SEM1: variants seen among roughly 807,000 people sequenced by gnomAD.
SEM1 encodes the protein 26S proteasome complex subunit SEM1.
A neutral mutation model predicts 12.7 loss-of-function variants in SEM1; 3 were observed. The ratio of observed to expected loss-of-function variants is 0.24; its 90% CI spans 0.11 to 0.61. The LOEUF is 0.61. Ranked by LOEUF, SEM1 falls within the 20% of genes least tolerant of loss-of-function variation. The probability of loss-of-function intolerance (pLI) is 0.88; values close to 1 mark genes in which losing one functional copy is unlikely to be tolerated. For missense variants in SEM1, 59 were observed against 81.3 expected, an observed-to-expected ratio of 0.73 and a Z score of 1.06; for synonymous variants, 30 against 27.8, an observed-to-expected ratio of 1.08 and a Z score of -0.25.
At chr7:96,483,982 C>G in exon 4 of SEM1, 1 of 1,511,910 alleles carries the variant, frequency 6.6e-7, no homozygotes, top group Admixed American at 2.1e-5. Flanking sequence ...TGGAAAGAGT[C>G]AGGGACCTAT....
In SEM1 at chr7:96,588,353, AAC is replaced by A. The variant is rs56655484; in HGVS notation, c.171-81657_171-81656del. 3.3e-3 allele frequency among the ~76,000 whole-genome samples: 460 copies of A among 141,026 alleles called. 1 individual carries two copies. Among genetic ancestry groups the A allele is most frequent in the African/African-American group, 0.012 (434 of 36,988 alleles). 92.5% of individuals were successfully genotyped at this position (141,026 alleles called of 152,430 possible). ...CAGAGCAAGATCATGTCTAAAAACA[AAC>A]ACACACACACACACACACACACACA... On this transcript the variant is annotated intron_variant and NMD_transcript_variant, in intron 2 of 3. Coordinates refer to the SEM1 transcript ENST00000466986.
At chr7:96,608,971 A>G (rs1247015861) in intron 2 of SEM1, among the ~76,000 whole-genome samples, 1 of 152,198 alleles carries the variant, frequency 6.6e-6, no homozygotes, top group African/African-American at 2.4e-5. Context: ...TGGTAAACAG[A>G]AATTGTATAA....
At chr7:96,578,576 G>A (rs747398845) in intron 2 of SEM1, among the ~76,000 whole-genome samples, 55 of 152,286 alleles carry the variant, frequency 3.6e-4, no homozygotes, top group Admixed American at 5.9e-4. Context: ...AGAGAAGAAT[G>A]TCAAAGCAAA....
downstream of SEM1, among the ~76,000 whole-genome samples, chr7:96,672,406 T>A (rs1789341041): frequency 6.6e-6 from 1 of 152,184 alleles, no homozygotes; most frequent in Non-Finnish European, 1.5e-5. Context: ...AAGGCAGTCG[T>A]CCAACACCTC....
chr7:96,629,085 C>T (rs1267396070), intron 2 of SEM1, among the ~76,000 whole-genome samples: 1 of 152,082 alleles, frequency 6.6e-6, no homozygotes, highest in Non-Finnish European at 1.5e-5. Flanking sequence ...TTATCCTTGA[C>T]CTTTGGGAGT....
At chr7:96,535,734 A>T (rs2115746082) in intron 2 of SEM1, among the ~76,000 whole-genome samples, 1 of 151,754 alleles carries the variant, frequency 6.6e-6, no homozygotes, top group Non-Finnish European at 1.5e-5. Flanking sequence ...TCCTGTTTTA[A>T]TTCACTTAGG....
intron 2 of SEM1, among the ~76,000 whole-genome samples, chr7:96,542,198 G>A (rs1278959059): frequency 1.3e-5 from 2 of 151,622 alleles, no homozygotes; most frequent in Non-Finnish European, 2.9e-5. Context: ...TGGCAGTATG[G>A]CCATTTTAAC....
intron 2 of SEM1, among the ~76,000 whole-genome samples, chr7:96,538,157 C>T (rs1397975444): frequency 6.6e-6 from 1 of 151,740 alleles, no homozygotes; most frequent in Non-Finnish European, 1.5e-5. Flanking sequence ...ATTTATTAGA[C>T]TTTCTGTCTC....
intron 2 of SEM1, among the ~76,000 whole-genome samples, chr7:96,541,445 T>TTG: frequency 1.0e-5 from 1 of 96,338 alleles, no homozygotes. Context: ...TTTTTTTTGT[T>TTG]TTTTTTTTTT....
chr7:96,628,426 T>C (rs1032318739), intron 2 of SEM1, among the ~76,000 whole-genome samples: 19 of 152,126 alleles, frequency 1.2e-4, no homozygotes, highest in African/African-American at 4.6e-4. Flanking sequence ...TTATGTATGT[T>C]ACCGTGAGGC....
intron 2 of SEM1, among the ~76,000 whole-genome samples, chr7:96,545,501 T>C (rs1032098050): frequency 7.9e-5 from 12 of 152,124 alleles, no homozygotes; most frequent in Non-Finnish European, 1.5e-4. Flanking sequence ...GCTGCCAGCA[T>C]AGAGATTATT....
intron 2 of SEM1, among the ~76,000 whole-genome samples, chr7:96,634,332 A>C (rs1226736364): frequency 6.6e-6 from 1 of 152,064 alleles, no homozygotes; most frequent in Non-Finnish European, 1.5e-5. Context: ...TTACTTGTTT[A>C]CTTGTTTGAT....
chr7:96,696,400 CA>C (rs1339664130), intron 1 of SEM1: 166 of 152,006 alleles, frequency 1.1e-3, no homozygotes, highest in African/African-American at 3.8e-3. Flanking sequence ...AAGAGCTGGC[CA>C]AATTCTTCGT....
intron 2 of SEM1, among the ~76,000 whole-genome samples, chr7:96,518,816 G>A (rs542844004): frequency 6.4e-4 from 98 of 152,258 alleles, no homozygotes; most frequent in African/African-American, 2.2e-3. Flanking sequence ...GGTTCATATG[G>A]TAAGGGAAAG....
chr7:96,660,380 C>CTTGA (rs1314235320), intron 2 of SEM1, among the ~76,000 whole-genome samples: 1 of 152,112 alleles, frequency 6.6e-6, no homozygotes, highest in Non-Finnish European at 1.5e-5. Context: ...TCTCTCAATT[C>CTTGA]TTGATAGGTC....
intron 3 of SEM1, among the ~76,000 whole-genome samples, chr7:96,505,145 C>G (rs1471919395): frequency 6.6e-6 from 1 of 151,904 alleles, no homozygotes; most frequent in African/African-American, 2.4e-5. Context: ...CTCTGTCCCC[C>G]AGGCTGGAGT....
chr7:96,491,058 A>G (rs1429212769), intron 1 of SEM1, among the ~76,000 whole-genome samples: 1 of 152,218 alleles, frequency 6.6e-6, no homozygotes, highest in Admixed American at 6.5e-5. Context: ...GTCTAAATTC[A>G]TGTATCTCGC....
upstream of SEM1, among the ~76,000 whole-genome samples, chr7:96,500,640 T>C (rs779531018): frequency 6.6e-6 from 1 of 152,164 alleles, no homozygotes; most frequent in Non-Finnish European, 1.5e-5. Context: ...TCAGCTTTAA[T>C]GCATGAAGGG....
At position 96,558,059 on chromosome 7, in the gene SEM1, G is replaced by A. The variant is rs549779960; in HGVS notation, c.171-51361C>T. ...CCCTGCTTCGGCTCGCACACGGTGC[G>A]CACACCCACTGACCTGCGCCCACTG... is the stretch of plus-strand genomic sequence containing the variant. On this transcript the variant is annotated intron_variant and NMD_transcript_variant, in intron 2 of 3. Transcript: ENST00000466986. The A allele has an allele frequency of 5.6e-4, 86 of 154,162 alleles. 1 individual carries two copies. Among genetic ancestry groups the A allele is most frequent in the South Asian group, 2.0e-3 (10 of 4,892 alleles). The allele number at this position is 154,162 out of a possible 1,614,324, so 9.5% of individuals were successfully genotyped here.
Sources: allele counts gnomAD v4.1 joint callset (sites outside exome capture counted in the v4.1 genomes callset), GRCh38; gene constraint gnomAD v4.1.1; transcripts MANE v1.5; gene names NCBI Gene and HGNC (gene_info 2026-07-23, HGNC 2026-07-21).